The following FCHSD1 variants were observed in gnomAD, a reference collection of about 807,000 sequenced individuals.
FCHSD1 encodes FCH and double SH3 domains 1.
Under a neutral mutation model 101.3 loss-of-function variants are expected in FCHSD1, and 109 were observed. The observed-to-expected ratio is 1.08, with a 90% CI of 0.92 to 1.26. FCHSD1 has a LOEUF of 1.26. FCHSD1 is among the 50% of genes most tolerant of loss of function. The pLI, the probability that FCHSD1 is intolerant of heterozygous loss-of-function variation, is 0.00. For missense variants in FCHSD1, 820 were observed against 895.8 expected (o/e 0.92, Z 1.08); for synonymous variants, 291 against 356.8 (o/e 0.82, Z 2.08).
chr5:141,639,595 A>G lies in FCHSD1; in HGVS notation c.*1903T>C. ...CCACTTGTCCGTCAGGGACGCTCCA[A>G]GGAAGGAAAAAGCCGCCCCCGGACA... On this transcript the variant is annotated 3_prime_UTR_variant, in exon 20 of 20. Transcript: ENST00000435817. The surrounding 1 kb of genome is among the most constrained non-coding windows in gnomAD (Gnocchi z 4.4). The G allele has an allele frequency of 1.9e-6, 3 of 1,613,874 alleles. No individual in the cohort carries two copies. Among genetic ancestry groups the G allele is most frequent in the Non-Finnish European group, 2.5e-6 (3 of 1,179,964 alleles).
intron 18 of FCHSD1, chr5:141,642,518 A>T (rs1241591714): frequency 3.7e-6 from 2 of 544,388 alleles, no homozygotes; most frequent in South Asian, 4.5e-5. Flanking sequence ...AATAAATAAT[A>T]AAATAAAACT....
At position 141,647,319 on chromosome 5, in the gene FCHSD1, T is replaced by C. The variant is rs190379795; in HGVS notation, c.828+79A>G. ...ACTTCTTGGAAGAAAAAGGACAATG[T>C]GTGAAGCAAAGAGGGCTGCATTGGG... On this transcript the variant is annotated intron_variant, in intron 9 of 19. Transcript: ENST00000435817. The C allele has an allele frequency of 4.7e-4, 730 of 1,564,818 alleles. 5 individuals carry two copies. Among genetic ancestry groups the C allele is most frequent in the Non-Finnish European group, 1.3e-4 (149 of 1,152,536 alleles).
chr5:141,651,324 G>A, intron 1 of FCHSD1, 24 bp downstream of exon 1: 1 of 1,553,238 alleles, frequency 6.4e-7, no homozygotes, highest in Non-Finnish European at 8.7e-7. Flanking sequence ...CCCGCCAGGA[G>A]TCCCCATTCA....
chr5:141,644,306 A>C lies in FCHSD1; in HGVS notation c.1775T>G (p.Phe592Cys). The C allele has an allele frequency of 6.2e-7, 1 of 1,613,846 alleles. No homozygotes were observed. Among genetic ancestry groups the C allele is most frequent in the Non-Finnish European group, 8.5e-7 (1 of 1,179,834 alleles). ...GGGGAAGACCCCAACACGGCCCCCA[A>C]ATTCTCCCCTCCAGAAGCCGTCATC... The part of the protein sequence containing the change: ...GVDDGFWRGE[F>C]GGRVGVFPSL... Residue 592 changes from phenylalanine (F) to cysteine (C), a missense_variant, in exon 17 of 20, where the codon TTT becomes TGT. By Grantham distance (205) the Phe-to-Cys change is radical. Coordinates refer to ENST00000435817, the MANE Select transcript of FCHSD1 (RefSeq NM_033449.3).
In FCHSD1 at chr5:141,640,309, G is replaced by C. The variant is rs761133000; in HGVS notation, c.*1189C>G. 1 of 1,613,818 alleles carries C rather than the reference G, an allele frequency of 6.2e-7. No homozygotes were observed. Among genetic ancestry groups the C allele is most frequent in the Admixed American group, 1.7e-5 (1 of 59,984 alleles). On this transcript the variant is annotated 3_prime_UTR_variant, in exon 20 of 20. Transcript: ENST00000435817. ...TCTGATCACCAGGTAGGAAAACACAGCCGGGACTGCACTGGGCTGGGCTCT... is the reference window on the plus strand; with the variant it reads ...TCTGATCACCAGGTAGGAAAACACACCCGGGACTGCACTGGGCTGGGCTCT...
At chr5:141,648,580 T>C (rs2099907962) in intron 7 of FCHSD1, among the ~76,000 whole-genome samples, 1 of 152,198 alleles carries the variant, frequency 6.6e-6, no homozygotes, top group Non-Finnish European at 1.5e-5. Flanking sequence ...CTTGTTATTC[T>C]TTATCATAGT....
intron 9 of FCHSD1, 31 bp downstream of exon 9, chr5:141,647,367 C>G (rs768365874): frequency 1.3e-6 from 2 of 1,576,282 alleles, no homozygotes; most frequent in African/African-American, 1.4e-5. Context: ...AAAGGATCCC[C>G]GGGGAAGCTC....
In FCHSD1 at chr5:141,651,022, G is replaced by C; in HGVS notation, c.117C>G (p.Ile39Met). The change falls in exon 2 of 20, where the codon ATC (isoleucine) becomes ATG (methionine). Residue 39 changes from isoleucine to methionine, a missense_variant and splice_region_variant. Ile to Met is a conservative substitution (Grantham distance 10). Coordinates refer to ENST00000435817, the MANE Select transcript of FCHSD1 (RefSeq NM_033449.3). ...QQREADLLED[I>M]RSYSKQRAAI... is the part of the protein sequence containing the mutation. ...ATGAAGGGGGTTGGGGGAGCTACCT[G>C]ATGTCCTCCAGCAGATCCGCCTCCC... 1 of 1,585,164 alleles carries C rather than the reference G, an allele frequency of 6.3e-7. No individual in the cohort carries two copies.
chr5:141,644,153 C>G, intron 17 of FCHSD1, 65 bp downstream of exon 17: 1 of 1,435,756 alleles, frequency 7.0e-7, no homozygotes, highest in South Asian at 1.3e-5. Flanking sequence ...GAATATGAGG[C>G]TTTATTGGGG....
Position 141,639,673 on chromosome 5 carries a change from G to A in FCHSD1, c.*1825C>T. On this transcript the variant is annotated 3_prime_UTR_variant, in exon 20 of 20. Transcript: ENST00000435817. The surrounding 1 kb of genome is among the most constrained non-coding windows in gnomAD (Gnocchi z 4.4). ...AGGTGGGGCAGGTGCTCCAGGGAAA[G>A]GGGGGCTGAGGTAGGGGGCCCAGTG... is the stretch of plus-strand genomic sequence containing the variant. The A allele has an allele frequency of 1.3e-6, 2 of 1,579,100 alleles. No homozygotes were observed. Among genetic ancestry groups the A allele is most frequent in the Non-Finnish European group, 1.7e-6 (2 of 1,161,834 alleles).
At position 141,644,407 on chromosome 5, in the gene FCHSD1, G is replaced by A. The variant is rs370499604; in HGVS notation, c.1674C>T (p.Thr558=). The change falls in exon 17 of 20, where the codon ACC becomes ACT. Residue 558 remains threonine, a synonymous_variant. Transcript: ENST00000435817. The part of the protein sequence containing the change: ...AFLAQALYSY[T]GQSAEELSFP... ...AGCTCAGCTCCTCTGCACTCTGTCCGGTGTAGCTGTACAGGGCCTGTGCCA... is the reference window on the plus strand; with the variant it reads ...AGCTCAGCTCCTCTGCACTCTGTCCAGTGTAGCTGTACAGGGCCTGTGCCA... The A allele has an allele frequency of 5.0e-5, 80 of 1,613,714 alleles. No homozygotes were observed. Among genetic ancestry groups the A allele is most frequent in the East Asian group, 2.0e-4 (9 of 44,872 alleles).
At chr5:141,642,821 A>G in intron 18 of FCHSD1, 180 bp downstream of exon 18, 1 of 588,026 alleles carries the variant, frequency 1.7e-6, no homozygotes, top group Non-Finnish European at 3.0e-6. Context: ...CCCACCACAC[A>G]CTTGGAGATG....
In FCHSD1 at chr5:141,643,092, G is replaced by A. The variant is rs1335388264; in HGVS notation, c.1864-4C>T. ...GAGGAGAAGGGGACGGCAGCATCTG[G>A]AGGTGGGGTGGGCACAGAGTTATTC... On this transcript the variant is annotated splice_polypyrimidine_tract_variant and splice_region_variant and intron_variant, in intron 17 of 19. Transcript: ENST00000435817. The A allele has an allele frequency of 3.4e-6, 5 of 1,472,508 alleles. No individual in the cohort carries two copies. The highest frequency in any genetic ancestry group is 2.7e-5 in the East Asian group (1 of 36,796). 91.2% of individuals were successfully genotyped at this position (1,472,508 alleles called of 1,614,324 possible).
Position 141,649,505 on chromosome 5 carries a change from G to A in FCHSD1, c.265C>T (p.Leu89=), listed in dbSNP as rs11739451. 0.13 allele frequency: 214,665 copies of A among 1,613,322 alleles called. 14,943 individuals carry two copies. Among genetic ancestry groups the A allele is most frequent in the South Asian group, 0.17 (15,864 of 91,074 alleles). ...CCCCCAGCCACGGTGGCATCCAGCA[G>A]GCAGCGCCAGGCACCGAACACTGTC... ...GRTVFGAWRC[L]LDATVAGGQT... Residue 89 remains leucine, a synonymous_variant, in exon 5 of 20, where the codon CTG becomes TTG. Transcript: ENST00000435817. This position sits in a 1 kb window ranked among gnomAD's most constrained non-coding sequence, Gnocchi z 4.1.
chr5:141,647,860 A>C (rs956466682), intron 8 of FCHSD1, 108 bp downstream of exon 8: 62 of 1,474,472 alleles, frequency 4.2e-5, no homozygotes, highest in Admixed American at 8.3e-5. Flanking sequence ...ACTCACTCTA[A>C]ACAGACAAGA....
chr5:141,642,133 C>T, intron 18 of FCHSD1: 1 of 499,990 alleles, frequency 2.0e-6, no homozygotes, highest in South Asian at 2.6e-5. Context: ...GGTGGAAGTA[C>T]CAGAAAGTTT....
Position 141,639,787 on chromosome 5 carries a change from C to T in FCHSD1, c.*1711G>A. 7.7e-7 allele frequency: 1 copy of T among 1,291,406 alleles called. No homozygotes were observed. The highest frequency in any genetic ancestry group is 1.1e-6 in the Non-Finnish European group (1 of 914,552). 80.0% of individuals were successfully genotyped at this position (1,291,406 alleles called of 1,614,324 possible). ...AAGTCAGGCTACACAATGTGCCCCA[C>T]AATCTGAGAAGGCCTCCCCTACCTT... On this transcript the variant is annotated 3_prime_UTR_variant, in exon 20 of 20. Coordinates refer to ENST00000435817, the MANE Select transcript of FCHSD1 (RefSeq NM_033449.3). This position sits in a 1 kb window ranked among gnomAD's most constrained non-coding sequence, Gnocchi z 4.4.
In FCHSD1 at chr5:141,639,527, C is replaced by T; in HGVS notation, c.*1971G>A. ...CCCATCATCACACAGTGCACCTGGG[C>T]TCTGCAGCCCCTTGCCTCCATTGCA... is the stretch of plus-strand genomic sequence containing the variant. On this transcript the variant is annotated 3_prime_UTR_variant, in exon 20 of 20. Transcript: ENST00000435817. This position sits in a 1 kb window ranked among gnomAD's most constrained non-coding sequence, Gnocchi z 4.4. The T allele has an allele frequency of 6.2e-7, 1 of 1,614,004 alleles. No individual in the cohort carries two copies. Among genetic ancestry groups the T allele is most frequent in the Non-Finnish European group, 8.5e-7 (1 of 1,179,964 alleles).
chr5:141,651,206 G>C (rs548645262), intron 1 of FCHSD1, 89 bp from the exon 2 acceptor site: 36 of 1,485,994 alleles, frequency 2.4e-5, no homozygotes, highest in Non-Finnish European at 3.3e-5. Flanking sequence ...GGGCCGGGGG[G>C]GTGCTGAGCT....
Sources: allele counts gnomAD v4.1 joint callset (sites outside exome capture counted in the v4.1 genomes callset), GRCh38; gene constraint gnomAD v4.1.1; non-coding constraint Gnocchi (gnomAD v3.1); transcripts MANE v1.5; gene names NCBI Gene and HGNC (gene_info 2026-07-23, HGNC 2026-07-21).